SNRNP27: variants seen among roughly 807,000 people sequenced by gnomAD.
SNRNP27 encodes the protein small nuclear ribonucleoprotein U4/U6.U5 subunit 27.
SNRNP27 carries 22 observed loss-of-function variants against 25.1 expected under a neutral mutation model. The ratio of observed to expected loss-of-function variants is 0.88; its 90% CI spans 0.63 to 1.25. The LOEUF is 1.25. SNRNP27 is among the 50% of genes most tolerant of loss of function. The pLI is 0.00. For synonymous variants in SNRNP27, 66 were observed against 64.9 expected, an observed-to-expected ratio of 1.02 and a Z score of -0.08; for missense variants, 150 against 202.3, an observed-to-expected ratio of 0.74 and a Z score of 1.57.
Position 69,896,558 on chromosome 2 carries a change from T to G in SNRNP27, c.268+10T>G. The G allele has an allele frequency of 6.3e-7, 1 of 1,589,254 alleles. No homozygotes were observed. The highest frequency in any genetic ancestry group is 8.6e-7 in the Non-Finnish European group (1 of 1,164,010). On this transcript the variant is annotated intron_variant, in intron 3 of 5. Coordinates refer to ENST00000244227, the MANE Select transcript of SNRNP27 (RefSeq NM_006857.3). ...GAACGGCAGATTACTGGTAATGTTA[T>G]TAGATAAATAACTGTAGGAAAAGTA...
At position 69,904,307 on chromosome 2, in the gene SNRNP27, G is replaced by A; in HGVS notation, c.467G>A (p.Ter156=). The A allele has an allele frequency of 6.2e-7, 1 of 1,609,582 alleles. No homozygotes were observed. The highest frequency in any genetic ancestry group is 8.5e-7 in the Non-Finnish European group (1 of 1,177,182). The part of the protein sequence containing the change: ...GFNRPLDFIA[*] ...AACAGACCTTTGGATTTCATTGCAT[G>A]AGAATTGAAGTGTTGAAGGATGATT... is the stretch of plus-strand genomic sequence containing the variant. Residue 156 remains the stop codon, a stop_retained_variant, in exon 6 of 6, where the codon TGA becomes TAA. Transcript: ENST00000244227.
At chr2:69,897,678 G>A (rs1676628340) in intron 4 of SNRNP27, 1 of 481,592 alleles carries the variant, frequency 2.1e-6, no homozygotes, top group African/African-American at 2.0e-5. Flanking sequence ...ACAAGTAGAA[G>A]TGATCAGACA....
At chr2:69,897,577 G>A (rs570651565) in intron 4 of SNRNP27, 121 bp downstream of exon 4, 1 of 777,846 alleles carries the variant, frequency 1.3e-6, no homozygotes, top group African/African-American at 1.8e-5. Context: ...CTGTTTGAAG[G>A]GCTTTGAGAA....
At chr2:69,896,379 A>G in intron 2 of SNRNP27, 57 bp from the exon 3 acceptor site, 2 of 1,524,286 alleles carry the variant, frequency 1.3e-6, no homozygotes, top group African/African-American at 2.8e-5. Context: ...ATCTGTGCTG[A>G]TTGATACAAA....
At position 69,896,513 on chromosome 2, in the gene SNRNP27, C is replaced by T; in HGVS notation, c.233C>T (p.Thr78Ile). The T allele has an allele frequency of 6.2e-7, 1 of 1,607,654 alleles. No homozygotes were observed. Among genetic ancestry groups the T allele is most frequent in the Non-Finnish European group, 8.5e-7 (1 of 1,176,306 alleles). Residue 78 changes from threonine (T) to isoleucine (I), a missense_variant, in exon 3 of 6, where the codon ACA becomes ATA. By Grantham distance (89) the Thr-to-Ile change is moderately conservative. Coordinates refer to ENST00000244227, the MANE Select transcript of SNRNP27 (RefSeq NM_006857.3). ...AGAAGAGATGAGGAAAAGAAAGAAA[C>T]AAAAGAAACAAAGAGCAAAGAACGG... ...KERRDEEKKETKETKSKERQI... is the reference protein window; with the variant it reads ...KERRDEEKKEIKETKSKERQI...
intron 4 of SNRNP27, among the ~76,000 whole-genome samples, chr2:69,901,323 T>C (rs1387321219): frequency 1.3e-5 from 2 of 151,992 alleles, no homozygotes; most frequent in East Asian, 1.9e-4. Flanking sequence ...ATAGTTCAAG[T>C]TGGAGGCAGG....
intron 4 of SNRNP27, among the ~76,000 whole-genome samples, chr2:69,898,828 C>T (rs1676645299): frequency 1.3e-5 from 2 of 152,012 alleles, no homozygotes; most frequent in South Asian, 4.1e-4. Flanking sequence ...CCCTTGAATG[C>T]CCTAAATTCT....
chr2:69,901,583 A>G (rs568820401), intron 4 of SNRNP27, among the ~76,000 whole-genome samples: 1 of 152,352 alleles, frequency 6.6e-6, no homozygotes, highest in South Asian at 2.1e-4. Flanking sequence ...TGGAAGACCA[A>G]CACAGCAGAA....
chr2:69,898,577 C>G (rs958707921), intron 4 of SNRNP27, among the ~76,000 whole-genome samples: 1 of 152,212 alleles, frequency 6.6e-6, no homozygotes, highest in Non-Finnish European at 1.5e-5. Context: ...AAATAATCCA[C>G]TTTCCCAAGT....
At chr2:69,904,218 T>TAA (rs531645680) in intron 5 of SNRNP27, 36 bp from the exon 6 acceptor site, 88 of 1,432,216 alleles carry the variant, frequency 6.1e-5, no homozygotes, top group Admixed American at 2.2e-4. Flanking sequence ...AGTATAGGAT[T>TAA]AAAAAAAAAC....
intron 4 of SNRNP27, 97 bp downstream of exon 4, chr2:69,897,553 A>G (rs1051124609): frequency 2.0e-6 from 2 of 997,964 alleles, no homozygotes; most frequent in Non-Finnish European, 3.1e-6. Context: ...ATTTGGTTAT[A>G]AGACAATAAC....
At chr2:69,894,130 C>A in intron 1 of SNRNP27, 112 bp downstream of exon 1, 1 of 998,676 alleles carries the variant, frequency 1.0e-6, no homozygotes, top group Non-Finnish European at 1.5e-6. Context: ...GCCCTTTTCC[C>A]AGGCGGAGAG....
chr2:69,900,452 C>T (rs928899334), intron 4 of SNRNP27, among the ~76,000 whole-genome samples: 2 of 152,112 alleles, frequency 1.3e-5, no homozygotes, highest in African/African-American at 4.8e-5. Context: ...AATCATATAC[C>T]TCACAAGTAA....
intron 4 of SNRNP27, among the ~76,000 whole-genome samples, chr2:69,899,152 G>C (rs995956653): frequency 6.6e-6 from 1 of 152,090 alleles, no homozygotes; most frequent in African/African-American, 2.4e-5. Flanking sequence ...GGAAAACTTA[G>C]GTGAAAAGTC....
intron 4 of SNRNP27, among the ~76,000 whole-genome samples, chr2:69,899,709 C>T (rs1049244608): frequency 7.2e-5 from 11 of 152,130 alleles, no homozygotes; most frequent in Non-Finnish European, 1.2e-4. Flanking sequence ...GGATTACAGG[C>T]GTGAGACATT....
In SNRNP27 at chr2:69,904,972, G is replaced by A. The variant is rs1353628932; in HGVS notation, c.*664G>A. ...AGAAATAATCAATTTCAACATTTTG[G>A]TATATGTTTTTCCAGGCTTCTTTGG... On this transcript the variant is annotated 3_prime_UTR_variant, in exon 6 of 6. Transcript: ENST00000244227. 6.6e-6 allele frequency: 1 copy of A among 152,154 alleles called. No homozygotes were observed. Among genetic ancestry groups the A allele is most frequent in the Non-Finnish European group, 1.5e-5 (1 of 68,126 alleles). The allele number at this position is 152,154 out of a possible 1,614,324, so 9.4% of individuals were successfully genotyped here. A position where few individuals can be genotyped will look rare whatever the true frequency, so the allele number is the denominator to read the frequency against.
At chr2:69,903,285 C>T in intron 5 of SNRNP27, 40 bp downstream of exon 5, 3 of 1,383,046 alleles carry the variant, frequency 2.2e-6, no homozygotes, top group Non-Finnish European at 3.1e-6. Context: ...ACTAATAAAT[C>T]AGTTTTTTAC....
intron 4 of SNRNP27, among the ~76,000 whole-genome samples, chr2:69,901,258 A>G (rs565340897): frequency 1.3e-5 from 2 of 152,240 alleles, no homozygotes; most frequent in South Asian, 4.1e-4. Context: ...AGAAGAGGGC[A>G]CTTCCTGGCA....
At chr2:69,902,506 G>A (rs575729727) in intron 4 of SNRNP27, among the ~76,000 whole-genome samples, 1 of 150,014 alleles carries the variant, frequency 6.7e-6, no homozygotes, top group African/African-American at 2.5e-5. Context: ...TGCTGCTGCT[G>A]CTTGTGCTGC....
Sources: gnomAD v4.1 joint callset for allele counts (sites outside exome capture counted in the v4.1 genomes callset) on GRCh38, gnomAD v4.1.1 for gene constraint, MANE v1.5 for transcripts, NCBI Gene and HGNC (gene_info 2026-07-23, HGNC 2026-07-21) for gene names.